TULP4: variants seen among roughly 807,000 people sequenced by gnomAD.
The protein encoded by TULP4 is tubby-related protein 4.
Under a neutral mutation model 129.0 loss-of-function variants are expected in TULP4, and 16 were observed. The observed-to-expected ratio is 0.12, with a 90% CI of 0.08 to 0.19. TULP4 has a LOEUF of 0.19. Among genes scored for constraint, TULP4 ranks in the 10% least tolerant of loss-of-function variants. The probability of loss-of-function intolerance (pLI) is 1.00; values close to 1 mark genes in which losing one functional copy is unlikely to be tolerated. For synonymous variants in TULP4, 998 were observed against 854.0 expected (o/e 1.17, Z -2.94); for missense variants, 1,842 against 2,059.1 (o/e 0.89, Z 2.04).
intron 1 of TULP4, among the ~76,000 whole-genome samples, chr6:158,409,020 G>C (rs1042405424): frequency 3.9e-5 from 6 of 152,152 alleles, no homozygotes; most frequent in African/African-American, 1.4e-4. Flanking sequence ...GATGACATTG[G>C]TTGTTCCCTG....
intron 12 of TULP4, among the ~76,000 whole-genome samples, chr6:158,499,794 C>A (rs763167573): frequency 8.5e-5 from 13 of 152,072 alleles, no homozygotes; most frequent in Non-Finnish European, 1.3e-4. Context: ...CAGCTTGGCT[C>A]TGAACTTGAG....
chr6:158,509,153 G>A lies in TULP4; in HGVS notation c.*2459G>A, dbSNP rs998928654. The stretch of plus-strand genomic sequence containing the variant: ...GATCCGCCCGCCTCGGCCTCCCAAA[G>A]TGCTGGGATTACAGACGTGAGCCAC... On this transcript the variant is annotated 3_prime_UTR_variant, in exon 14 of 14. Transcript: ENST00000367097. 1 of 152,042 alleles carries A rather than the reference G, an allele frequency of 6.6e-6. No individual in the cohort carries two copies. Among genetic ancestry groups the A allele is most frequent in the Non-Finnish European group, 1.5e-5 (1 of 68,024 alleles). The allele number at this position is 152,042 out of a possible 1,614,324, so 9.4% of individuals were successfully genotyped here.
At chr6:158,280,229 C>T (rs1244424572), upstream of TULP4, among the ~76,000 whole-genome samples, 1 of 152,050 alleles carries the variant, frequency 6.6e-6, no homozygotes. Context: ...TTAAAAAAAA[C>T]TTATACATTA....
chr6:158,272,380 G>A (rs898821072), intron 1 of TULP4, among the ~76,000 whole-genome samples: 21 of 152,088 alleles, frequency 1.4e-4, no homozygotes, highest in Non-Finnish European at 2.2e-4. Context: ...TTAATAGCTC[G>A]TATTTGTTTT....
chr6:158,327,320 G>A (rs960663804), intron 1 of TULP4, among the ~76,000 whole-genome samples: 5 of 152,140 alleles, frequency 3.3e-5, no homozygotes, highest in Admixed American at 1.3e-4. Context: ...ACATTAACAA[G>A]GTAGAGACCC....
At chr6:158,246,023 G>GGGGTGGGT (rs113914160) in intron 1 of TULP4, among the ~76,000 whole-genome samples, 1 of 145,822 alleles carries the variant, frequency 6.9e-6, no homozygotes, top group South Asian at 2.2e-4. Context: ...ACCCCTTAGG[G>GGGGTGGGT]GTGTGTGTGT....
chr6:158,342,529 C>T (rs1780205193), intron 1 of TULP4, among the ~76,000 whole-genome samples: 1 of 152,184 alleles, frequency 6.6e-6, no homozygotes, highest in Non-Finnish European at 1.5e-5. Flanking sequence ...CATAGCCTAC[C>T]TGGTAGCTTA....
intron 1 of TULP4, among the ~76,000 whole-genome samples, chr6:158,331,190 C>T (rs966756842): frequency 2.6e-5 from 4 of 151,966 alleles, no homozygotes; most frequent in African/African-American, 9.7e-5. Flanking sequence ...ATTTATGATC[C>T]ATTGATGATT....
At chr6:158,453,016 T>TA (rs1779198231) in intron 5 of TULP4, among the ~76,000 whole-genome samples, 1 of 152,182 alleles carries the variant, frequency 6.6e-6, no homozygotes, top group African/African-American at 2.4e-5. Flanking sequence ...CCTTGATGTT[T>TA]AAGGGACCTC....
chr6:158,402,643 A>G (rs978508990), intron 1 of TULP4, among the ~76,000 whole-genome samples: 2 of 152,216 alleles, frequency 1.3e-5, no homozygotes, highest in African/African-American at 2.4e-5. Context: ...AACATTGTAC[A>G]TTTTGTTGTA....
At chr6:158,295,168 G>T (rs1048372204) in intron 1 of TULP4, among the ~76,000 whole-genome samples, 4 of 151,706 alleles carry the variant, frequency 2.6e-5, no homozygotes, top group Non-Finnish European at 5.9e-5. Flanking sequence ...CTACTTTTCT[G>T]TTTAAGCACT....
Position 158,501,625 on chromosome 6 carries a change from T to A in TULP4, c.2015-53T>A. On this transcript the variant is annotated intron_variant, in intron 12 of 13. Coordinates refer to ENST00000367097, the MANE Select transcript of TULP4 (RefSeq NM_020245.5). ...TCCAGACGTATTGCTTATCCTGATC[T>A]GGTTTAATGGCAGTGTTTTTGTAAG... The A allele has an allele frequency of 1.9e-6, 3 of 1,538,488 alleles. 1 individual carries two copies. The highest frequency in any genetic ancestry group is 1.2e-5 in the South Asian group (1 of 83,290).
intron 5 of TULP4, among the ~76,000 whole-genome samples, chr6:158,460,912 T>TAA (rs371202204): frequency 2.1e-5 from 3 of 141,750 alleles, no homozygotes; most frequent in Non-Finnish European, 3.1e-5. Context: ...TGCTGTCTCT[T>TAA]AAAAAAAAAA....
At chr6:158,289,878 G>A (rs1778901680) in intron 1 of TULP4, among the ~76,000 whole-genome samples, 1 of 152,074 alleles carries the variant, frequency 6.6e-6, no homozygotes, top group East Asian at 1.9e-4. Flanking sequence ...ACCATGCCCA[G>A]ACTAACATAA....
chr6:158,502,536 C>A lies in TULP4; in HGVS notation c.2873C>A (p.Pro958Gln). The A allele has an allele frequency of 6.2e-7, 1 of 1,610,364 alleles. No homozygotes were observed. Among genetic ancestry groups the A allele is most frequent in the Non-Finnish European group, 8.5e-7 (1 of 1,179,946 alleles). ...CGCTACTCCATCCCCACCGGGGACCCACCCCCGTATCCTGAAATTGCCAGC... is the reference window on the plus strand; with the variant it reads ...CGCTACTCCATCCCCACCGGGGACCAACCCCCGTATCCTGAAATTGCCAGC... ...VPRYSIPTGDPPPYPEIASQL... is the reference protein window; with the variant it reads ...VPRYSIPTGDQPPYPEIASQL... The change falls in exon 13 of 14, where the codon CCA becomes CAA. Residue 958 changes from proline to glutamine, a missense_variant. Coordinates refer to ENST00000367097, the MANE Select transcript of TULP4 (RefSeq NM_020245.5).
chr6:158,402,583 A>G (rs1372478385), intron 1 of TULP4, among the ~76,000 whole-genome samples: 1 of 152,244 alleles, frequency 6.6e-6, no homozygotes, highest in African/African-American at 2.4e-5. Flanking sequence ...AAAGGGGGTA[A>G]GATGCCAGCA....
intron 6 of TULP4, among the ~76,000 whole-genome samples, chr6:158,474,162 C>T (rs1270794715): frequency 6.6e-6 from 1 of 152,232 alleles, no homozygotes. Flanking sequence ...CATGTTTGTA[C>T]AGACATAAAA....
chr6:158,481,270 G>A lies in TULP4; in HGVS notation c.1467G>A (p.Pro489=), dbSNP rs199553131. ...KLRPEFVIMD[P]RTDSKPDEIY... is the part of the protein sequence containing the mutation. ...GGCCAGAGTTCGTCATCATGGACCC[G>A]CGGACAGATAGCAAACCAGGTGGGC... The change falls in exon 8 of 14, where the codon CCG becomes CCA. Residue 489 remains proline (P), a synonymous_variant. Transcript: ENST00000367097. The A allele has an allele frequency of 2.8e-4, 444 of 1,613,836 alleles. 4 individuals are homozygous for A. The East Asian group carries it at 5.9e-3, about 21-fold the overall frequency.
At position 158,414,757 on chromosome 6, in the gene TULP4, G is replaced by A. The variant is rs368192910; in HGVS notation, c.381+1564G>A. Among the ~76,000 whole-genome samples the A allele has an allele frequency of 2.5e-4, 38 of 152,330 alleles. No individual in the cohort carries two copies. The South Asian group carries it at 4.4e-3, about 17-fold the overall frequency. On this transcript the variant is annotated intron_variant, in intron 2 of 13. Transcript: ENST00000367097. ...ATCTTCAGATTTAGGGTGGCCAGAG[G>A]ACTTGAAATCACTGCTCAGAAAAGG... is the stretch of plus-strand genomic sequence containing the variant.
Sources: allele counts gnomAD v4.1 joint callset (sites outside exome capture counted in the v4.1 genomes callset), GRCh38; gene constraint gnomAD v4.1.1; transcripts MANE v1.5; gene names NCBI Gene and HGNC (gene_info 2026-07-23, HGNC 2026-07-21).